Variants in SLIT2 observed in about 807,000 individuals in gnomAD.
The protein encoded by SLIT2 is slit homolog 2 protein.
A neutral mutation model predicts 185.7 loss-of-function variants in SLIT2; 41 were observed. The ratio of observed to expected loss-of-function variants is 0.22; its 90% CI spans 0.17 to 0.29. The LOEUF (loss-of-function observed/expected upper bound fraction) is 0.29. Among genes scored for constraint, SLIT2 ranks in the 10% least tolerant of loss-of-function variants. SLIT2 has a pLI of 1.00. For missense variants in SLIT2, 1,571 were observed against 1,909.0 expected (o/e 0.82, Z 3.30); for synonymous variants, 693 against 680.2 (o/e 1.02, Z -0.29).
intron 31 of SLIT2, 84 bp downstream of exon 31, chr4:20,595,918 C>A: frequency 8.4e-7 from 1 of 1,185,918 alleles, no homozygotes; most frequent in Non-Finnish European, 1.2e-6. Context: ...TGTAATCGTA[C>A]ATTTTAAAAT....
intron 4 of SLIT2, among the ~76,000 whole-genome samples, chr4:20,376,802 T>A (rs766063949): frequency 3.3e-5 from 5 of 152,014 alleles, no homozygotes; most frequent in Non-Finnish European, 5.9e-5. Context: ...ATGTTCTCAC[T>A]CATAGGTGGG....
intron 12 of SLIT2, among the ~76,000 whole-genome samples, chr4:20,521,433 T>G (rs1437739675): frequency 6.6e-6 from 1 of 152,174 alleles, no homozygotes; most frequent in Non-Finnish European, 1.5e-5. Context: ...TAATATTTAT[T>G]TACTGTTCCT....
intron 11 of SLIT2, among the ~76,000 whole-genome samples, chr4:20,511,603 T>TTTA (rs61276848): frequency 6.9e-6 from 1 of 144,140 alleles, no homozygotes; most frequent in African/African-American, 2.6e-5. Flanking sequence ...TTTTTTTTTT[T>TTTA]ATTTTTGGTA....
chr4:20,313,920 G>A (rs1425381131), intron 4 of SLIT2, among the ~76,000 whole-genome samples: 2 of 152,136 alleles, frequency 1.3e-5, no homozygotes, highest in African/African-American at 4.8e-5. Flanking sequence ...CAGGCCCAGG[G>A]GTTGGGGACC....
chr4:20,369,774 G>C (rs573559466), intron 4 of SLIT2, among the ~76,000 whole-genome samples: 2 of 152,162 alleles, frequency 1.3e-5, no homozygotes, highest in South Asian at 4.1e-4. Flanking sequence ...CCCTATCTCA[G>C]CCTGTCTATT....
intron 4 of SLIT2, among the ~76,000 whole-genome samples, chr4:20,432,461 G>A (rs1729066539): frequency 6.6e-6 from 1 of 150,916 alleles, no homozygotes; most frequent in South Asian, 2.1e-4. Context: ...CAAGGACCAC[G>A]ATCAACTGGA....
chr4:20,282,120 A>G (rs1265575687), intron 4 of SLIT2, among the ~76,000 whole-genome samples: 1 of 152,172 alleles, frequency 6.6e-6, no homozygotes, highest in Non-Finnish European at 1.5e-5. Flanking sequence ...GTAATAATGA[A>G]CTATAAATAT....
At position 20,619,125 on chromosome 4, in the gene SLIT2, T is replaced by A; in HGVS notation, c.*116T>A. On this transcript the variant is annotated 3_prime_UTR_variant, in exon 37 of 37. Coordinates refer to ENST00000504154, the MANE Select transcript of SLIT2 (RefSeq NM_004787.4). ...ATATATTGTAAAATACAGAACAGAC[T>A]TATTTTTATTATGAGAATAAAGACT... 9.5e-7 allele frequency: 1 copy of A among 1,049,014 alleles called. No homozygotes were observed. The highest frequency in any genetic ancestry group is 1.3e-6 in the Non-Finnish European group (1 of 760,252). The allele number at this position is 1,049,014 out of a possible 1,614,324, so 65.0% of individuals were successfully genotyped here.
At chr4:20,501,721 G>T (rs540175622) in intron 9 of SLIT2, among the ~76,000 whole-genome samples, 2 of 152,046 alleles carry the variant, frequency 1.3e-5, no homozygotes, top group Non-Finnish European at 1.5e-5. Context: ...ATGTAGTTCC[G>T]CAGGCCATTA....
rs537836125 is a variant in SLIT2 at position 20,615,869 on chromosome 4, CG to C, written c.3848-1037del. ...TTTAGGCACAGCTAAAGCATAATTA[CG>C]GGGTTGTGGGGATGTGGTGGTATAG... On this transcript the variant is annotated intron_variant, in intron 34 of 36. Transcript: ENST00000504154. The C allele has an allele frequency of 7.2e-5, 11 of 152,276 alleles. No homozygotes were observed. The South Asian group carries it at 2.3e-3, about 32-fold the overall frequency. The allele number at this position is 152,276 out of a possible 1,614,324, so 9.4% of individuals were successfully genotyped here.
intron 4 of SLIT2, among the ~76,000 whole-genome samples, chr4:20,430,183 A>C (rs1031346462): frequency 2.0e-5 from 3 of 151,990 alleles, no homozygotes; most frequent in Non-Finnish European, 4.4e-5. Context: ...ATTGCTTTTC[A>C]CATGTTCCGT....
intron 4 of SLIT2, among the ~76,000 whole-genome samples, chr4:20,293,012 T>C (rs562539964): frequency 6.6e-6 from 1 of 152,314 alleles, no homozygotes; most frequent in Non-Finnish European, 1.5e-5. Flanking sequence ...AGTGGATTTC[T>C]GTAGTTTCCA....
chr4:20,569,970 G>T (rs950909888), intron 29 of SLIT2, among the ~76,000 whole-genome samples: 2 of 151,988 alleles, frequency 1.3e-5, no homozygotes, highest in East Asian at 3.9e-4. Flanking sequence ...TTTTCCCAGG[G>T]ATTTGTTGGA....
intron 29 of SLIT2, among the ~76,000 whole-genome samples, chr4:20,576,253 C>G (rs746335926): frequency 4.6e-5 from 7 of 152,070 alleles, no homozygotes; most frequent in East Asian, 1.9e-4. Context: ...AGAAAATTAC[C>G]TAAGGTAAAT....
intron 4 of SLIT2, among the ~76,000 whole-genome samples, chr4:20,328,922 G>A (rs1719826873): frequency 6.6e-6 from 1 of 152,064 alleles, no homozygotes; most frequent in Admixed American, 6.6e-5. Flanking sequence ...CTGCATGTGG[G>A]AGCGTGGAAA....
chr4:20,593,653 A>G (rs1208169195), intron 30 of SLIT2, among the ~76,000 whole-genome samples: 1 of 152,142 alleles, frequency 6.6e-6, no homozygotes, highest in African/African-American at 2.4e-5. Context: ...AAGGGTAACT[A>G]TGGGAGGTGA....
rs533776887 is a variant in SLIT2 at position 20,253,048 on chromosome 4, C to A, written c.-768C>A. ...TCCTGGTGCAGAGCGTCGCCAAGGA[C>A]GCCGAGCGGGAGGCGGGATTGCCCA... On this transcript the variant is annotated 5_prime_UTR_variant, in exon 1 of 37. Transcript: ENST00000504154. 4.9e-4 allele frequency among the ~76,000 whole-genome samples: 75 copies of A among 152,226 alleles called. No homozygotes were observed. Among genetic ancestry groups the A allele is most frequent in the Non-Finnish European group, 1.8e-4 (12 of 68,014 alleles).
intron 4 of SLIT2, among the ~76,000 whole-genome samples, chr4:20,411,114 T>G (rs1727224059): frequency 6.6e-6 from 1 of 152,206 alleles, no homozygotes; most frequent in South Asian, 2.1e-4. Context: ...TAGTTCTCTT[T>G]GAAGAAGTCC....
At chr4:20,325,840 CT>C (rs1237841683) in intron 4 of SLIT2, among the ~76,000 whole-genome samples, 1 of 151,992 alleles carries the variant, frequency 6.6e-6, no homozygotes, top group Non-Finnish European at 1.5e-5. Flanking sequence ...GCTATTGTTT[CT>C]TTTTTTATAG....
Sources: allele counts gnomAD v4.1 joint callset (sites outside exome capture counted in the v4.1 genomes callset), GRCh38; gene constraint gnomAD v4.1.1; transcripts MANE v1.5; gene names NCBI Gene and HGNC (gene_info 2026-07-23, HGNC 2026-07-21).